CDC42BPB: variants seen among roughly 807,000 people sequenced by gnomAD.
CDC42BPB encodes serine/threonine-protein kinase MRCK beta.
In CDC42BPB, 37 loss-of-function variants were observed where a neutral mutation model predicts 214.9. The ratio of observed to expected loss-of-function variants is 0.17; its 90% CI spans 0.13 to 0.23. The LOEUF (loss-of-function observed/expected upper bound fraction) is 0.23, where lower values mean the gene tolerates loss of function less well. Among genes scored for constraint, CDC42BPB ranks in the 10% least tolerant of loss-of-function variants. The pLI is 1.00. For synonymous variants in CDC42BPB, 931 were observed against 884.0 expected, an observed-to-expected ratio of 1.05 and a Z score of -0.94; for missense variants, 1,694 against 2,227.0, an observed-to-expected ratio of 0.76 and a Z score of 4.82.
chr14:103,038,504 T>C (rs1887796492), intron 1 of CDC42BPB, among the ~76,000 whole-genome samples: 1 of 152,092 alleles, frequency 6.6e-6, no homozygotes, highest in South Asian at 2.1e-4. Context: ...ATCATGTGGA[T>C]GGATCTCAGT....
At chr14:103,018,953 T>C (rs1886620629) in intron 1 of CDC42BPB, among the ~76,000 whole-genome samples, 1 of 152,072 alleles carries the variant, frequency 6.6e-6, no homozygotes, top group Admixed American at 6.5e-5. Context: ...TTTTGGTTTG[T>C]TTGTTTTTGA....
intron 1 of CDC42BPB, among the ~76,000 whole-genome samples, chr14:103,056,269 TA>T (rs112269391): frequency 3.6e-4 from 52 of 145,852 alleles, no homozygotes; most frequent in Admixed American, 5.5e-4. Flanking sequence ...GAATTGGAAT[TA>T]AAAAAAAAAA....
intron 4 of CDC42BPB, among the ~76,000 whole-genome samples, chr14:103,000,840 A>G (rs1438979416): frequency 6.6e-6 from 1 of 152,174 alleles, no homozygotes; most frequent in Admixed American, 6.5e-5. Context: ...TCTGGCACCA[A>G]GACCCCATCG....
At chr14:103,041,369 G>A (rs938799826) in intron 1 of CDC42BPB, 1 of 500,874 alleles carries the variant, frequency 2.0e-6, no homozygotes, top group African/African-American at 2.0e-5. Context: ...ATGAAACTTT[G>A]TGACCTTGCA....
chr14:102,945,638 G>A (rs1223882809), intron 29 of CDC42BPB, 24 bp downstream of exon 29: 1 of 1,608,582 alleles, frequency 6.2e-7, no homozygotes, highest in East Asian at 2.2e-5. Context: ...GACATCCCAG[G>A]CTGGAAACGC....
intron 1 of CDC42BPB, among the ~76,000 whole-genome samples, chr14:103,016,240 C>A (rs1886452525): frequency 6.6e-6 from 1 of 152,252 alleles, no homozygotes; most frequent in Admixed American, 6.5e-5. Context: ...AAACTCCAAA[C>A]TGGCACCAGT....
At chr14:102,964,789 C>T in intron 18 of CDC42BPB, 139 bp from the exon 19 acceptor site, 3 of 1,307,014 alleles carry the variant, frequency 2.3e-6, no homozygotes, top group Middle Eastern at 5.0e-4. Context: ...ATGGAGGTGC[C>T]TCAGGAGTTT....
At chr14:103,054,501 G>C (rs1888830615) in intron 1 of CDC42BPB, among the ~76,000 whole-genome samples, 1 of 152,148 alleles carries the variant, frequency 6.6e-6, no homozygotes. Context: ...TCTATAAATA[G>C]TTTTATTCAA....
In CDC42BPB at chr14:102,964,543, C is replaced by T. The variant is rs1893106366; in HGVS notation, c.2685G>A (p.Glu895=). 6.2e-7 allele frequency: 1 copy of T among 1,613,802 alleles called. No homozygotes were observed. Among genetic ancestry groups the T allele is most frequent in the Non-Finnish European group, 8.5e-7 (1 of 1,180,006 alleles). Residue 895 remains glutamate (E), a synonymous_variant, in exon 19 of 37, where the codon GAG becomes GAA. Transcript: ENST00000361246. ...TGGCGTCCTTGACCTTCCTGAGCTC[C>T]TCCTGGACAAGCTGCTTGGCCCGGA... ...AEIRAKQLVQ[E]ELRKVKDANL...
At chr14:103,044,519 G>A (rs1474393930) in intron 1 of CDC42BPB, among the ~76,000 whole-genome samples, 2 of 151,908 alleles carry the variant, frequency 1.3e-5, no homozygotes, top group Non-Finnish European at 2.9e-5. Context: ...ACAGGCGCCC[G>A]CCACCATGCC....
At chr14:102,984,988 G>C (rs1894170617) in intron 6 of CDC42BPB, among the ~76,000 whole-genome samples, 1 of 152,254 alleles carries the variant, frequency 6.6e-6, no homozygotes, top group African/African-American at 2.4e-5. Flanking sequence ...TGACGGGGTG[G>C]AGTGGAGGTG....
At position 102,970,154 on chromosome 14, in the gene CDC42BPB, G is replaced by T; in HGVS notation, c.1992C>A (p.Leu664=). ...AGAGACCCCCGCCCAGCACTACCTT[G>T]AGGGCCTCCAGCTCGCTTTCCATTT... ...CKQMESELEA[L]KVKQGGRGAG... is the part of the protein sequence containing the mutation. The change falls in exon 14 of 37, where the codon CTC becomes CTA. Residue 664 remains leucine (L), a synonymous_variant. Transcript: ENST00000361246. The T allele has an allele frequency of 6.2e-7, 1 of 1,612,212 alleles. No homozygotes were observed. Among genetic ancestry groups the T allele is most frequent in the Non-Finnish European group, 8.5e-7 (1 of 1,179,392 alleles).
chr14:103,035,105 G>A (rs1887595081), intron 1 of CDC42BPB, among the ~76,000 whole-genome samples: 1 of 150,618 alleles, frequency 6.6e-6, no homozygotes, highest in Admixed American at 6.6e-5. Flanking sequence ...TGCCCAGGCT[G>A]GAGTGCAAGT....
intron 5 of CDC42BPB, among the ~76,000 whole-genome samples, chr14:102,989,871 G>GA (rs1015400352): frequency 1.0e-3 from 146 of 141,624 alleles, no homozygotes; most frequent in African/African-American, 3.1e-3. Context: ...AAAAAAAAAA[G>GA]AAAAAAAAAA....
rs527494933 is a variant in CDC42BPB at position 102,989,853 on chromosome 14, C to G, written c.597-3273G>C. ...CAGCCTGGGCAACAAAAGCGAAACT[C>G]TGTTTCAAAAAAAAAAAGAAAAAAA... On this transcript the variant is annotated intron_variant, in intron 5 of 36. Transcript: ENST00000361246. Among the ~76,000 whole-genome samples the G allele has an allele frequency of 5.4e-5, 8 of 147,634 alleles. No individual in the cohort carries two copies. In the South Asian group the frequency reaches 1.3e-3, roughly 24 times the overall value.
At chr14:103,019,672 A>G (rs1420403424) in intron 1 of CDC42BPB, among the ~76,000 whole-genome samples, 1 of 152,244 alleles carries the variant, frequency 6.6e-6, no homozygotes, top group Non-Finnish European at 1.5e-5. Context: ...ACATCTTGGG[A>G]GATTTTCCAT....
intron 24 of CDC42BPB, among the ~76,000 whole-genome samples, chr14:102,951,586 C>G (rs991141489): frequency 7.9e-5 from 12 of 151,960 alleles, no homozygotes; most frequent in Non-Finnish European, 2.9e-5. Context: ...GTCAGGAGTT[C>G]GAGACCAGCC....
intron 11 of CDC42BPB, 47 bp downstream of exon 11, chr14:102,975,637 T>G (rs1362634276): frequency 1.3e-6 from 2 of 1,590,946 alleles, no homozygotes; most frequent in Admixed American, 3.4e-5. Flanking sequence ...TTTAAGACAG[T>G]AATGACCAAA....
At chr14:102,935,495 G>A (rs1891608103) in intron 36 of CDC42BPB, among the ~76,000 whole-genome samples, 1 of 152,104 alleles carries the variant, frequency 6.6e-6, no homozygotes. Flanking sequence ...ATATTGTTAA[G>A]ATGGCTGTAC....
Sources: gnomAD v4.1 joint callset for allele counts (sites outside exome capture counted in the v4.1 genomes callset) on GRCh38, gnomAD v4.1.1 for gene constraint, MANE v1.5 for transcripts, NCBI Gene and HGNC (gene_info 2026-07-23, HGNC 2026-07-21) for gene names.